Variants in DPPA4 observed in about 807,000 individuals in gnomAD.
DPPA4 encodes the protein developmental pluripotency-associated protein 4.
In DPPA4, 22 loss-of-function variants were observed where a neutral mutation model predicts 33.7. The observed-to-expected ratio is 0.65, with a 90% CI of 0.47 to 0.93. The LOEUF is 0.93. Among genes scored for constraint, DPPA4 ranks in the 40% least tolerant of loss-of-function variants. DPPA4 has a pLI of 0.00. For missense variants in DPPA4, 340 were observed against 358.6 expected (o/e 0.95, Z 0.42); for synonymous variants, 156 against 132.3 (o/e 1.18, Z -1.23).
chr3:109,330,977 C>A (rs1358193013), intron 4 of DPPA4, among the ~76,000 whole-genome samples, 165 bp from the exon 5 acceptor site: 1 of 151,998 alleles, frequency 6.6e-6, no homozygotes, highest in African/African-American at 2.4e-5. Context: ...AATGTACTGT[C>A]TTCTTGAAAA....
In DPPA4 at chr3:109,326,401, A is replaced by C. The variant is rs1457193618; in HGVS notation, c.*1587T>G. On this transcript the variant is annotated 3_prime_UTR_variant, in exon 7 of 7. Coordinates refer to ENST00000335658, the MANE Select transcript of DPPA4 (RefSeq NM_018189.4). ...TATTACACAATAATTCTGACCACCA[A>C]CAACCAACGGCGGGGGCGGGCAGGA... 1 of 152,160 alleles carries C rather than the reference A, an allele frequency of 6.6e-6. No individual in the cohort carries two copies. Among genetic ancestry groups the C allele is most frequent in the Admixed American group, 6.6e-5 (1 of 15,258 alleles). 9.4% of individuals were successfully genotyped at this position (152,160 alleles called of 1,614,324 possible). A position where few individuals can be genotyped will look rare whatever the true frequency, so the allele number is the denominator to read the frequency against.
At chr3:109,334,209 A>G (rs1416228916) in intron 1 of DPPA4, among the ~76,000 whole-genome samples, 1 of 152,218 alleles carries the variant, frequency 6.6e-6, no homozygotes, top group Non-Finnish European at 1.5e-5. Flanking sequence ...TTGAAAGCAC[A>G]TGAAAAGACA....
At position 109,327,060 on chromosome 3, in the gene DPPA4, G is replaced by A. The variant is rs920181575; in HGVS notation, c.*928C>T. 6 of 152,024 alleles carry A rather than the reference G, an allele frequency of 3.9e-5. No individual in the cohort carries two copies. Among genetic ancestry groups the A allele is most frequent in the African/African-American group, 1.4e-4 (6 of 41,402 alleles). 9.4% of individuals were successfully genotyped at this position (152,024 alleles called of 1,614,324 possible). A position where few individuals can be genotyped will look rare whatever the true frequency, so the allele number is the denominator to read the frequency against. ...GCAACCTTAAACATTTTAAACTCCA[G>A]AAATATACAAAACAATTATAAGTGA... is the stretch of plus-strand genomic sequence containing the variant. On this transcript the variant is annotated 3_prime_UTR_variant, in exon 7 of 7. Transcript: ENST00000335658.
At chr3:109,338,931 C>G (rs1436726990), upstream of DPPA4, among the ~76,000 whole-genome samples, 1 of 152,030 alleles carries the variant, frequency 6.6e-6, no homozygotes, top group Non-Finnish European at 1.5e-5. Flanking sequence ...GTGGCTCACG[C>G]CTGTAATCTC....
chr3:109,331,870 CCTGGCCTTTGGAGCTCAG>C lies in DPPA4; in HGVS notation c.322_339del (p.Leu108_Gln113del). 1 of 1,613,718 alleles carries C rather than the reference CCTGGCCTTTGGAGCTCAG, an allele frequency of 6.2e-7. No individual in the cohort carries two copies. Among genetic ancestry groups the C allele is most frequent in the Non-Finnish European group, 8.5e-7 (1 of 1,179,660 alleles). On this transcript the variant is annotated inframe_deletion and splice_region_variant, in exon 3 of 7. Coordinates refer to ENST00000335658, the MANE Select transcript of DPPA4 (RefSeq NM_018189.4). ...GCACCGTCCCCAGCCTGGGACCTCACCTGGCCTTTGGAGCTCAGCTTCAATTGTTGGCACCAGGCCCGC... is the reference window on the plus strand; with the variant it reads ...GCACCGTCCCCAGCCTGGGACCTCACCTTCAATTGTTGGCACCAGGCCCGC...
At position 109,331,773 on chromosome 3, in the gene DPPA4, T is replaced by C. The variant is rs1708085618; in HGVS notation, c.351A>G (p.Ala117=). The change falls in exon 4 of 7, where the codon GCA becomes GCG. Residue 117 remains alanine (A), a synonymous_variant. Coordinates refer to ENST00000335658, the MANE Select transcript of DPPA4 (RefSeq NM_018189.4). ...AGGCAAAGGCACACAGGCGCTTATA[T>C]GCATCCAATTTCTAAGACAATAGAA... ...KLSSKGQKLD[A]YKRLCAFAYP... 1 of 1,614,086 alleles carries C rather than the reference T, an allele frequency of 6.2e-7. No homozygotes were observed. The highest frequency in any genetic ancestry group is 1.6e-4 in the Middle Eastern group (1 of 6,062).
rs1326331599 is a variant in DPPA4 at position 109,331,195 on chromosome 3, T to C, written c.391-383A>G. Among the ~76,000 whole-genome samples the C allele has an allele frequency of 2.3e-5, 3 of 128,504 alleles. No individual in the cohort carries two copies. The Admixed American group carries it at 3.0e-4, about 13-fold the overall frequency. The allele number at this position is 128,504 out of a possible 152,430, so 84.3% of individuals were successfully genotyped here. A position where few individuals can be genotyped will look rare whatever the true frequency, so the allele number is the denominator to read the frequency against. On this transcript the variant is annotated intron_variant, in intron 4 of 6. Coordinates refer to ENST00000335658, the MANE Select transcript of DPPA4 (RefSeq NM_018189.4). ...CCAGGGGCTGAGACAGGGGCATCAC[T>C]TGAACCAGGGAGGCAGAGGTTGCAG...
In DPPA4 at chr3:109,327,695, GAA is replaced by G. The variant is rs756478479; in HGVS notation, c.*291_*292del. ...AATACAACAAAAAAAAGCTGCTGCT[GAA>G]GTCATGTCTATTTTAGAAAAGTAGT... On this transcript the variant is annotated 3_prime_UTR_variant, in exon 7 of 7. Coordinates refer to ENST00000335658, the MANE Select transcript of DPPA4 (RefSeq NM_018189.4). The G allele has an allele frequency of 1.1e-3, 302 of 281,282 alleles. 1 individual carries two copies. The highest frequency in any genetic ancestry group is 2.1e-3 in the Admixed American group (41 of 19,570). The allele number at this position is 281,282 out of a possible 1,614,324, so 17.4% of individuals were successfully genotyped here. A position where few individuals can be genotyped will look rare whatever the true frequency, so the allele number is the denominator to read the frequency against.
chr3:109,332,140 TCGCCCG>T, intron 2 of DPPA4, 109 bp from the exon 3 acceptor site: 1 of 1,022,464 alleles, frequency 9.8e-7, no homozygotes, highest in Non-Finnish European at 1.4e-6. Context: ...TCTTGCTCTG[TCGCCCG>T]GCTGGAGTGC....
Position 109,331,953 on chromosome 3 carries a change from G to A in DPPA4, c.257C>T (p.Ser86Phe), listed in dbSNP as rs1708089198. The change falls in exon 3 of 7, where the codon TCT becomes TTT. Residue 86 changes from serine to phenylalanine, a missense_variant. Ser to Phe is a radical substitution (Grantham distance 155, BLOSUM62 -2). Around this residue, in one of 3 missense-constraint regions of DPPA4, gnomAD observed 32 missense variants for 60.3 expected, o/e 0.53. Coordinates refer to ENST00000335658, the MANE Select transcript of DPPA4 (RefSeq NM_018189.4). ...QKKIPIPPLP[S>F]KLPPVNLIHR... ...AATCAGATTAACAGGTGGCAGTTTA[G>A]AAGGTAATGGAGGGATTGGTATCTT... 1.9e-6 allele frequency: 3 copies of A among 1,614,158 alleles called. No individual in the cohort carries two copies. Among genetic ancestry groups the A allele is most frequent in the Non-Finnish European group, 1.7e-6 (2 of 1,180,024 alleles).
intron 4 of DPPA4, 91 bp downstream of exon 4, chr3:109,331,643 A>C: frequency 9.1e-7 from 1 of 1,100,152 alleles, no homozygotes; most frequent in Non-Finnish European, 1.4e-6. Context: ...TGGAGGAACA[A>C]GGTGAGGCTA....
upstream of DPPA4, among the ~76,000 whole-genome samples, chr3:109,338,658 T>TA (rs1382647540): frequency 6.6e-6 from 1 of 152,100 alleles, no homozygotes; most frequent in Non-Finnish European, 1.5e-5. Context: ...AAAAAGTAAG[T>TA]AAACGGAGCC....
chr3:109,330,633 A>G lies in DPPA4; in HGVS notation c.570T>C (p.Asn190=). 1 of 1,614,168 alleles carries G rather than the reference A, an allele frequency of 6.2e-7. No homozygotes were observed. The highest frequency in any genetic ancestry group is 8.5e-7 in the Non-Finnish European group (1 of 1,180,038). Residue 190 remains asparagine (N), a synonymous_variant, in exon 5 of 7, where the codon AAT becomes AAC. Coordinates refer to ENST00000335658, the MANE Select transcript of DPPA4 (RefSeq NM_018189.4). The part of the protein sequence containing the change: ...ENSTALLEGV[N]TVVVTTSAPE... ...GGGCAGAAGTTGTCACCACAACTGT[A>G]TTAACTCCCTCAAGGAGAGCAGTGG...
chr3:109,335,108 A>C (rs1263660949), intron 1 of DPPA4, among the ~76,000 whole-genome samples: 2 of 152,224 alleles, frequency 1.3e-5, no homozygotes, highest in African/African-American at 4.8e-5. Flanking sequence ...CCTCTGTCTC[A>C]TACTAGGCAT....
At position 109,326,247 on chromosome 3, in the gene DPPA4, AC is replaced by A. The variant is rs1336524537; in HGVS notation, c.*1740del. 6.6e-6 allele frequency: 1 copy of A among 151,040 alleles called. No homozygotes were observed. The highest frequency in any genetic ancestry group is 1.5e-5 in the Non-Finnish European group (1 of 68,036). The allele number at this position is 151,040 out of a possible 1,614,324, so 9.4% of individuals were successfully genotyped here. On this transcript the variant is annotated 3_prime_UTR_variant, in exon 7 of 7. Coordinates refer to ENST00000335658, the MANE Select transcript of DPPA4 (RefSeq NM_018189.4). ...TACAAGCAGAATCGTAAAGCCAAGG[AC>A]ATTTCCAAATTAATAGAAAGGAAGG...
Position 109,327,917 on chromosome 3 carries a change from A to T in DPPA4, c.*71T>A. On this transcript the variant is annotated 3_prime_UTR_variant, in exon 7 of 7. Transcript: ENST00000335658. ...AGAGGACCAGAGTTCACCTGTCAGC[A>T]GCACCGCAGAATCCAACTCTCCAGC... 3 of 1,102,124 alleles carry T rather than the reference A, an allele frequency of 2.7e-6. No individual in the cohort carries two copies. The highest frequency in any genetic ancestry group is 4.2e-6 in the Non-Finnish European group (3 of 720,540). 68.3% of individuals were successfully genotyped at this position (1,102,124 alleles called of 1,614,324 possible). A position where few individuals can be genotyped will look rare whatever the true frequency, so the allele number is the denominator to read the frequency against.
Position 109,337,479 on chromosome 3 carries a change from C to T in DPPA4, c.39G>A (p.Lys13=). Residue 13 remains lysine (K), a synonymous_variant, in exon 1 of 7, where the codon AAG becomes AAA. Transcript: ENST00000335658. ...RGSASSTSME[K]AKGKEWTSTE... ...CTGTACTGACCTCCTTGCCTTTTGC[C>T]TTCTCCATACTTGTAGAAGAAGCGG... is the stretch of plus-strand genomic sequence containing the variant. 6.2e-7 allele frequency: 1 copy of T among 1,614,152 alleles called. No individual in the cohort carries two copies. Among genetic ancestry groups the T allele is most frequent in the Non-Finnish European group, 8.5e-7 (1 of 1,180,032 alleles).
chr3:109,333,518 A>G (rs923820180), intron 2 of DPPA4: 2 of 230,336 alleles, frequency 8.7e-6, no homozygotes, highest in African/African-American at 4.6e-5. Context: ...ATATTGTCCT[A>G]ACTTATTTTT....
chr3:109,337,314 G>T, intron 1 of DPPA4, 150 bp downstream of exon 1: 2 of 650,442 alleles, frequency 3.1e-6, no homozygotes, highest in African/African-American at 1.9e-5. Context: ...TCATATTCTT[G>T]GGCCTTACTC....
Sources: gnomAD v4.1 joint callset for allele counts (sites outside exome capture counted in the v4.1 genomes callset) on GRCh38, gnomAD v4.1.1 for gene constraint, gnomAD v4.1.1 regional missense constraint, MANE v1.5 for transcripts, NCBI Gene and HGNC (gene_info 2026-07-23, HGNC 2026-07-21) for gene names.